Variants in VPS53 observed in about 807,000 individuals in gnomAD.
The protein encoded by VPS53 is vacuolar protein sorting-associated protein 53 homolog.
VPS53 carries 70 observed loss-of-function variants against 107.0 expected under a neutral mutation model. The ratio of observed to expected loss-of-function variants is 0.65; its 90% confidence interval spans 0.54 to 0.80. The LOEUF (loss-of-function observed/expected upper bound fraction) is 0.80, where lower values mean the gene tolerates loss of function less well. Among genes scored for constraint, VPS53 ranks in the 30% least tolerant of loss-of-function variants. The pLI, the probability that VPS53 is intolerant of heterozygous loss-of-function variation, is 0.00. For missense variants in VPS53, 917 were observed against 1,049.4 expected (o/e 0.87, Z 1.74); for synonymous variants, 409 against 393.3 (o/e 1.04, Z -0.47).
At position 564,949 on chromosome 17, in the gene VPS53, G is replaced by A. The variant is rs181326142; in HGVS notation, c.1314-2204C>T. 3.6e-3 allele frequency among the ~76,000 whole-genome samples: 552 copies of A among 152,272 alleles called. 3 individuals carry two copies. Among genetic ancestry groups the A allele is most frequent in the Non-Finnish European group, 6.7e-3 (457 of 68,026 alleles). On this transcript the variant is annotated intron_variant, in intron 13 of 21. Transcript: ENST00000437048. ...GGGTTCCCACCACTCCTGACATGTT[G>A]CATCTTTTTAGGTTGCCGTTTAAGG...
chr17:581,210 T>G (rs912538640), intron 13 of VPS53, among the ~76,000 whole-genome samples: 4 of 149,006 alleles, frequency 2.7e-5, no homozygotes, highest in African/African-American at 7.5e-5. Flanking sequence ...CCCACAGATC[T>G]TCACTCAGGA....
Position 509,602 on chromosome 17 carries a change from C to T in VPS53, c.*9526G>A, listed in dbSNP as rs1459894228. The T allele has an allele frequency of 5.8e-6, 1 of 171,818 alleles. No homozygotes were observed. The highest frequency in any genetic ancestry group is 2.4e-5 in the African/African-American group (1 of 41,048). 10.6% of individuals were successfully genotyped at this position (171,818 alleles called of 1,614,324 possible). A position where few individuals can be genotyped will look rare whatever the true frequency, so the allele number is the denominator to read the frequency against. ...CTCACATATCGAATCCTGGCTCACC[C>T]CTCACTAGTCACGTATGGAATCCTG... On this transcript the variant is annotated 3_prime_UTR_variant, in exon 22 of 22. Coordinates refer to ENST00000437048, the MANE Select transcript of VPS53 (RefSeq NM_001128159.3).
intron 13 of VPS53, among the ~76,000 whole-genome samples, chr17:575,438 T>C (rs1240461210): frequency 6.6e-6 from 1 of 152,138 alleles, no homozygotes; most frequent in Non-Finnish European, 1.5e-5. Flanking sequence ...AAAAACCTAA[T>C]ACGTTCCCAG....
At chr17:669,697 T>A (rs991774152) in intron 4 of VPS53, among the ~76,000 whole-genome samples, 1 of 150,420 alleles carries the variant, frequency 6.6e-6, no homozygotes, top group Non-Finnish European at 1.5e-5. Flanking sequence ...ATCAAGACCA[T>A]CCTGCCCAAC....
intron 7 of VPS53, 76 bp from the exon 8 acceptor site, chr17:631,704 A>G: frequency 1.4e-6 from 2 of 1,396,770 alleles, no homozygotes; most frequent in Middle Eastern, 1.8e-4. Flanking sequence ...CAGGGTCGGA[A>G]GGGCTGAAGT....
chr17:653,713 T>C (rs1597441756), intron 6 of VPS53, among the ~76,000 whole-genome samples: 1 of 152,132 alleles, frequency 6.6e-6, no homozygotes, highest in Non-Finnish European at 1.5e-5. Context: ...AATGTGTGAG[T>C]GATGAATTCT....
intron 13 of VPS53, among the ~76,000 whole-genome samples, chr17:566,170 C>G (rs374464160): frequency 1.4e-5 from 2 of 147,412 alleles, no homozygotes; most frequent in Non-Finnish European, 3.0e-5. Flanking sequence ...CGCCACTGCA[C>G]TCCAGCCTGG....
chr17:658,132 T>C (rs1971276244), intron 5 of VPS53, among the ~76,000 whole-genome samples: 1 of 144,202 alleles, frequency 6.9e-6, no homozygotes, highest in South Asian at 2.3e-4. Flanking sequence ...CCCACTAAAG[T>C]GAGAAACTCG....
chr17:677,216 T>C (rs1315154100), intron 4 of VPS53, among the ~76,000 whole-genome samples: 1 of 152,180 alleles, frequency 6.6e-6, no homozygotes, highest in East Asian at 1.9e-4. Context: ...CATGGACAGA[T>C]GAATGGATAC....
chr17:632,847 A>G (rs1459829371), intron 7 of VPS53: 1 of 439,540 alleles, frequency 2.3e-6, no homozygotes, highest in Non-Finnish European at 4.6e-6. Context: ...GTTTCCTGTT[A>G]ACCCAGAAAC....
intron 7 of VPS53, among the ~76,000 whole-genome samples, chr17:651,905 C>T (rs1970967015): frequency 6.6e-6 from 1 of 152,100 alleles, no homozygotes; most frequent in South Asian, 2.1e-4. Context: ...TCCACTGGAT[C>T]TGAATCTGGG....
intron 1 of VPS53, among the ~76,000 whole-genome samples, chr17:711,290 C>T (rs1304516113): frequency 6.6e-6 from 1 of 152,172 alleles, no homozygotes; most frequent in Non-Finnish European, 1.5e-5. Context: ...ATACAAGCAG[C>T]CAAATTATCC....
chr17:632,818 T>G, intron 7 of VPS53: 3 of 455,990 alleles, frequency 6.6e-6, no homozygotes, highest in South Asian at 3.1e-5. Context: ...GTTCAATCCA[T>G]GCAGCTGCAG....
At chr17:683,334 C>CA (rs1224101466) in intron 4 of VPS53, among the ~76,000 whole-genome samples, 1 of 151,216 alleles carries the variant, frequency 6.6e-6, no homozygotes, top group Non-Finnish European at 1.5e-5. Context: ...AGAAACAATG[C>CA]AAGCTAGAAG....
intron 17 of VPS53, chr17:538,443 T>A (rs1383503234): frequency 6.6e-6 from 1 of 152,230 alleles, no homozygotes; most frequent in Non-Finnish European, 1.5e-5. Context: ...AGTCAGTAGT[T>A]CTGAGGCCCT....
chr17:562,404 C>T, intron 14 of VPS53, 99 bp downstream of exon 14: 1 of 1,534,972 alleles, frequency 6.5e-7, no homozygotes, highest in Non-Finnish European at 8.9e-7. Flanking sequence ...CTCCTTGATA[C>T]TCTTGGTGGT....
In VPS53 at chr17:653,349, C is replaced by A. The variant is rs373600645; in HGVS notation, c.550G>T (p.Val184Phe). 5 of 1,614,242 alleles carry A rather than the reference C, an allele frequency of 3.1e-6. No individual in the cohort carries two copies. The highest frequency in any genetic ancestry group is 4.2e-6 in the Non-Finnish European group (5 of 1,180,050). ...ATATACTTGTGGAAGTGCTCCAGGA[C>A]ATTCATCACACCCTGAAGGAGATTA... is the stretch of plus-strand genomic sequence containing the variant. ...VANLLQGVMN[V>F]LEHFHKYMGI... The change falls in exon 7 of 22, where the codon GTC becomes TTC. Residue 184 changes from valine to phenylalanine, a missense_variant. Coordinates refer to ENST00000437048, the MANE Select transcript of VPS53 (RefSeq NM_001128159.3).
rs8073282 is a variant in VPS53 at position 618,308 on chromosome 17, G to A, written c.1116+5225C>T. ...TGGGACTACAGGCGTGCGCCACCAC[G>A]CCCCACTAATATTTCCTGGGTAGCT... On this transcript the variant is annotated intron_variant, in intron 11 of 21. Transcript: ENST00000437048. Among the ~76,000 whole-genome samples, 28 of 85,248 alleles carry A rather than the reference G, an allele frequency of 3.3e-4. 1 individual carries two copies. The highest frequency in any genetic ancestry group is 1.0e-3 in the South Asian group (2 of 1,946). The allele number at this position is 85,248 out of a possible 152,430, so 55.9% of individuals were successfully genotyped here.
At chr17:621,424 T>G (rs959544214) in intron 11 of VPS53, among the ~76,000 whole-genome samples, 27 of 152,172 alleles carry the variant, frequency 1.8e-4, no homozygotes, top group Admixed American at 1.3e-3. Flanking sequence ...ATGTATGGAT[T>G]TTTTTTTAGA....
Sources: gnomAD v4.1 joint callset for allele counts (sites outside exome capture counted in the v4.1 genomes callset) on GRCh38, gnomAD v4.1.1 for gene constraint, MANE v1.5 for transcripts, NCBI Gene and HGNC (gene_info 2026-07-23, HGNC 2026-07-21) for gene names.